MERTK: variants seen among roughly 807,000 people sequenced by gnomAD.
MERTK encodes tyrosine-protein kinase Mer.
A neutral mutation model predicts 99.3 loss-of-function variants in MERTK; 69 were observed. The observed-to-expected ratio is 0.70, with a 90% confidence interval of 0.57 to 0.85. The LOEUF is 0.85. Among genes scored for constraint, MERTK ranks in the 40% least tolerant of loss-of-function variants. The probability of loss-of-function intolerance (pLI) is 0.00; values close to 1 mark genes in which losing one functional copy is unlikely to be tolerated. For synonymous variants in MERTK, 426 were observed against 467.6 expected, an observed-to-expected ratio of 0.91 and a Z score of 1.15; for missense variants, 1,125 against 1,249.4, an observed-to-expected ratio of 0.90 and a Z score of 1.50.
rs570267100 is a variant in MERTK at position 111,903,672 on chromosome 2, G to A, written c.61+4876G>A. Among the ~76,000 whole-genome samples the A allele has an allele frequency of 2.6e-4, 39 of 152,288 alleles. No individual in the cohort carries two copies. In the South Asian group the frequency reaches 7.3e-3, roughly 28 times the overall value. Reference sequence around the variant, plus strand: ...AACTGAAAGGGGTCTCACACTGTGTGAGGCACACTATGCCTCTGGGGACTG... The same window carrying A: ...AACTGAAAGGGGTCTCACACTGTGTAAGGCACACTATGCCTCTGGGGACTG... On this transcript the variant is annotated intron_variant, in intron 1 of 18. Transcript: ENST00000295408.
intron 1 of MERTK, among the ~76,000 whole-genome samples, chr2:111,924,264 G>C (rs555171283): frequency 6.6e-6 from 1 of 152,204 alleles, no homozygotes; most frequent in Admixed American, 6.5e-5. Flanking sequence ...CTTTATTCCC[G>C]TTGGCAACCC....
In MERTK at chr2:112,029,204, C is replaced by A. The variant is rs1406030813; in HGVS notation, c.*340C>A. ...TGAAGTTGTTTTTTCAAGTTCTTTT[C>A]TTTTTCATGACTATTAAATGTAAAA... On this transcript the variant is annotated 3_prime_UTR_variant, in exon 19 of 19. Coordinates refer to ENST00000295408, the MANE Select transcript of MERTK (RefSeq NM_006343.3). 2.0e-6 allele frequency: 2 copies of A among 1,004,234 alleles called. No individual in the cohort carries two copies. The highest frequency in any genetic ancestry group is 9.4e-5 in the East Asian group (1 of 10,590). 62.2% of individuals were successfully genotyped at this position (1,004,234 alleles called of 1,614,324 possible).
chr2:112,013,766 G>A (rs2104416588), intron 15 of MERTK, among the ~76,000 whole-genome samples: 1 of 152,152 alleles, frequency 6.6e-6, no homozygotes, highest in South Asian at 2.1e-4. Flanking sequence ...CCCTGTGAGT[G>A]GCGGCACCAC....
chr2:112,002,102 C>T (rs986264076), intron 11 of MERTK, among the ~76,000 whole-genome samples: 6 of 152,160 alleles, frequency 3.9e-5, no homozygotes, highest in African/African-American at 1.4e-4. Context: ...AGAGCTTGTT[C>T]ATGCCTTAAC....
chr2:112,003,328 A>C lies in MERTK; in HGVS notation c.1786+141A>C, dbSNP rs150991977. Reference sequence around the variant, plus strand: ...ATGGATAGTTATATTTTATTATTTAAAATGATAGACTATTGATTTTTGAAA... The same window carrying C: ...ATGGATAGTTATATTTTATTATTTACAATGATAGACTATTGATTTTTGAAA... On this transcript the variant is annotated intron_variant, in intron 12 of 18. Transcript: ENST00000295408. 62 of 561,468 alleles carry C rather than the reference A, an allele frequency of 1.1e-4. No individual in the cohort carries two copies. In the East Asian group the frequency reaches 1.7e-3, roughly 16 times the overall value. The allele number at this position is 561,468 out of a possible 1,614,324, so 34.8% of individuals were successfully genotyped here.
At chr2:111,929,738 C>G (rs527958949) in intron 2 of MERTK, among the ~76,000 whole-genome samples, 198 bp downstream of exon 2, 14 of 146,150 alleles carry the variant, frequency 9.6e-5, no homozygotes, top group African/African-American at 3.3e-4. Flanking sequence ...AGGCGCCCAC[C>G]ACCACACCCA....
At chr2:111,964,969 G>C (rs571375677) in intron 4 of MERTK, among the ~76,000 whole-genome samples, 2 of 152,198 alleles carry the variant, frequency 1.3e-5, no homozygotes, top group African/African-American at 4.8e-5. Flanking sequence ...CTGAATAAAT[G>C]AAAGCAGCTG....
At chr2:111,974,226 TAAA>T (rs71385852) in intron 6 of MERTK, among the ~76,000 whole-genome samples, 7 of 58,162 alleles carry the variant, frequency 1.2e-4, no homozygotes, top group Admixed American at 2.3e-4. Context: ...CCACCTCTAC[TAAA>T]AAAAAAAAAA....
At chr2:111,900,180 A>T (rs1199208890) in intron 1 of MERTK, among the ~76,000 whole-genome samples, 1 of 152,206 alleles carries the variant, frequency 6.6e-6, no homozygotes, top group African/African-American at 2.4e-5. Context: ...CAAGTAAGTT[A>T]CTTAAAAGTT....
intron 1 of MERTK, among the ~76,000 whole-genome samples, chr2:111,926,614 C>G (rs976248029): frequency 6.6e-6 from 1 of 152,198 alleles, no homozygotes; most frequent in African/African-American, 2.4e-5. Flanking sequence ...GTAGTCCCAG[C>G]TACTCAGGAG....
At chr2:111,959,480 GT>G (rs1331960823) in intron 4 of MERTK, among the ~76,000 whole-genome samples, 1 of 151,628 alleles carries the variant, frequency 6.6e-6, no homozygotes, top group Non-Finnish European at 1.5e-5. Flanking sequence ...TTTCTTTTTG[GT>G]TTTTTGTTTG....
In MERTK at chr2:112,028,358, A is replaced by G; in HGVS notation, c.2494A>G (p.Ile832Val). Reference protein sequence around the residue: ...PEDCLDELYEIMYSCWRTDPL... With the variant: ...PEDCLDELYEVMYSCWRTDPL... ...CTTCTTTTTAACTTTCAGGTATGAAATAATGTACTCTTGCTGGAGAACCGA... is the reference window on the plus strand; with the variant it reads ...CTTCTTTTTAACTTTCAGGTATGAAGTAATGTACTCTTGCTGGAGAACCGA... Residue 832 changes from isoleucine to valine, a missense_variant, in exon 19 of 19, where the codon ATA (isoleucine) becomes GTA (valine). Coordinates refer to ENST00000295408, the MANE Select transcript of MERTK (RefSeq NM_006343.3). The G allele has an allele frequency of 6.2e-7, 1 of 1,614,204 alleles. No homozygotes were observed. The highest frequency in any genetic ancestry group is 1.3e-5 in the African/African-American group (1 of 75,064).
At chr2:112,004,148 G>A (rs1676932730) in intron 13 of MERTK, among the ~76,000 whole-genome samples, 164 bp downstream of exon 13, 1 of 152,154 alleles carries the variant, frequency 6.6e-6, no homozygotes, top group Non-Finnish European at 1.5e-5. Flanking sequence ...CTTCATGCAT[G>A]CATTACATAT....
chr2:111,999,345 C>T (rs939358716), intron 10 of MERTK, among the ~76,000 whole-genome samples: 3 of 152,160 alleles, frequency 2.0e-5, no homozygotes, highest in Non-Finnish European at 2.9e-5. Context: ...GTCGTCCAGG[C>T]TGGAGTGCAG....
At chr2:111,973,185 G>A (rs1250860863) in intron 6 of MERTK, among the ~76,000 whole-genome samples, 4 of 152,112 alleles carry the variant, frequency 2.6e-5, no homozygotes, top group African/African-American at 4.8e-5. Context: ...CTCTAGGAAC[G>A]TGCTCTCAGA....
intron 15 of MERTK, 58 bp from the exon 16 acceptor site, chr2:112,019,355 G>T: frequency 7.7e-7 from 1 of 1,304,190 alleles, no homozygotes; most frequent in Middle Eastern, 1.8e-4. Flanking sequence ...GGCAGAAACT[G>T]CTTGCAAGTT....
chr2:112,000,369 C>G (rs970021008), intron 10 of MERTK, among the ~76,000 whole-genome samples: 1 of 152,204 alleles, frequency 6.6e-6, no homozygotes, highest in African/African-American at 2.4e-5. Context: ...GTTCTGGGAT[C>G]CCTTCCAGGA....
intron 8 of MERTK, among the ~76,000 whole-genome samples, chr2:111,988,602 A>C (rs762219728): frequency 6.6e-6 from 1 of 152,230 alleles, no homozygotes; most frequent in Non-Finnish European, 1.5e-5. Flanking sequence ...GATTACTTGC[A>C]GCATGCCAGA....
At chr2:112,013,343 A>C (rs1203482558) in intron 15 of MERTK, 1 of 154,394 alleles carries the variant, frequency 6.5e-6, no homozygotes, top group Non-Finnish European at 1.5e-5. Context: ...CCAAAAAGAA[A>C]GATGATTGCA....
Sources: gnomAD v4.1 joint callset for allele counts (sites outside exome capture counted in the v4.1 genomes callset) on GRCh38, gnomAD v4.1.1 for gene constraint, MANE v1.5 for transcripts, NCBI Gene and HGNC (gene_info 2026-07-23, HGNC 2026-07-21) for gene names.